THSD7B: variants seen among roughly 807,000 people sequenced by gnomAD.
THSD7B encodes thrombospondin type 1 domain containing 7B, also known as thrombospondin type-1 domain-containing protein 7B.
Under a neutral mutation model 213.6 loss-of-function variants are expected in THSD7B, and 138 were observed. The ratio of observed to expected loss-of-function variants is 0.65; its 90% CI spans 0.56 to 0.74. The LOEUF is 0.74. Among genes scored for constraint, THSD7B ranks in the 30% least tolerant of loss-of-function variants. THSD7B has a pLI of 0.00. For synonymous variants in THSD7B, 742 were observed against 687.0 expected (o/e 1.08, Z -1.25); for missense variants, 1,931 against 1,991.5 (o/e 0.97, Z 0.58).
At chr2:136,928,045 T>G (rs1016892165) in intron 2 of THSD7B, among the ~76,000 whole-genome samples, 3 of 152,174 alleles carry the variant, frequency 2.0e-5, no homozygotes, top group Non-Finnish European at 4.4e-5. Flanking sequence ...GTTGTGAAGT[T>G]TTTAATACAG....
At chr2:137,556,337 TG>T (rs547825951) in intron 15 of THSD7B, among the ~76,000 whole-genome samples, 2,681 of 152,244 alleles carry the variant, frequency 0.018, 96 homozygotes, top group African/African-American at 0.062. Flanking sequence ...GACTAACAGC[TG>T]ATCTCTCAGC....
At chr2:137,472,033 T>G (rs963412487) in intron 15 of THSD7B, among the ~76,000 whole-genome samples, 2 of 152,206 alleles carry the variant, frequency 1.3e-5, no homozygotes, top group African/African-American at 4.8e-5. Flanking sequence ...GGAAATTATT[T>G]TACCCATTTA....
chr2:136,797,185 A>C (rs1682085396), intron 1 of THSD7B, among the ~76,000 whole-genome samples: 1 of 151,936 alleles, frequency 6.6e-6, no homozygotes, highest in Admixed American at 6.6e-5. Flanking sequence ...TGCTGGAACA[A>C]GTTATTGAGA....
intron 2 of THSD7B, among the ~76,000 whole-genome samples, chr2:136,929,200 T>C (rs1052185587): frequency 2.7e-4 from 41 of 152,210 alleles, no homozygotes; most frequent in African/African-American, 9.2e-4. Flanking sequence ...TTCTTGTAGA[T>C]TAATACTCTG....
chr2:136,808,712 G>A (rs1251679945), intron 1 of THSD7B, among the ~76,000 whole-genome samples: 1 of 152,126 alleles, frequency 6.6e-6, no homozygotes, highest in Non-Finnish European at 1.5e-5. Context: ...TTCATCCTTA[G>A]GAATATCTAA....
chr2:137,598,798 C>A (rs983366690), intron 17 of THSD7B, among the ~76,000 whole-genome samples: 2 of 151,992 alleles, frequency 1.3e-5, no homozygotes, highest in South Asian at 2.1e-4. Flanking sequence ...GATTTGCAAC[C>A]CTTGAAAGAA....
At chr2:136,919,386 C>A (rs1684398187) in intron 2 of THSD7B, among the ~76,000 whole-genome samples, 1 of 152,242 alleles carries the variant, frequency 6.6e-6, no homozygotes, top group Non-Finnish European at 1.5e-5. Context: ...CCTCACCTTG[C>A]AGCAGTCTGC....
At chr2:137,179,700 A>G (rs1264864996) in intron 7 of THSD7B, among the ~76,000 whole-genome samples, 1 of 152,150 alleles carries the variant, frequency 6.6e-6, no homozygotes, top group East Asian at 1.9e-4. Flanking sequence ...TAACTGATTC[A>G]TGAGTCAGGA....
At chr2:137,397,581 T>C (rs1034640437) in intron 12 of THSD7B, among the ~76,000 whole-genome samples, 1 of 151,338 alleles carries the variant, frequency 6.6e-6, no homozygotes, top group African/African-American at 2.4e-5. Flanking sequence ...GACCTTTCTC[T>C]CTGGCTGCTC....
At chr2:137,349,334 A>AT (rs1376455693) in intron 12 of THSD7B, among the ~76,000 whole-genome samples, 6 of 151,934 alleles carry the variant, frequency 3.9e-5, no homozygotes, top group African/African-American at 1.2e-4. Context: ...GAAAAGGAAT[A>AT]TTATCAATTT....
chr2:137,189,866 A>G (rs1680623610), intron 7 of THSD7B, among the ~76,000 whole-genome samples: 1 of 151,952 alleles, frequency 6.6e-6, no homozygotes, highest in African/African-American at 2.4e-5. Flanking sequence ...CTTCCTTCTT[A>G]TATATGCTCC....
In THSD7B at chr2:136,967,672, C is replaced by T. The variant is rs192874113; in HGVS notation, c.139+85355C>T. On this transcript the variant is annotated intron_variant, in intron 2 of 27. Coordinates refer to ENST00000409968, the MANE Select transcript of THSD7B (RefSeq NM_001316349.2). ...GGTAAAATGAGCCCCAATCCAACAA[C>T]TCAGGTTTAGAAATACAATATTGCC... Among the ~76,000 whole-genome samples, 322 of 152,300 alleles carry T rather than the reference C, an allele frequency of 2.1e-3. 1 individual carries two copies. The highest frequency in any genetic ancestry group is 0.018 in the Admixed American group (281 of 15,300).
At chr2:137,118,995 A>G (rs551647619) in intron 5 of THSD7B, among the ~76,000 whole-genome samples, 20 of 152,120 alleles carry the variant, frequency 1.3e-4, no homozygotes, top group Non-Finnish European at 2.5e-4. Flanking sequence ...GTATGGGGCA[A>G]ACACCCCCAT....
intron 15 of THSD7B, among the ~76,000 whole-genome samples, chr2:137,465,577 G>A (rs1191529612): frequency 6.6e-6 from 1 of 152,098 alleles, no homozygotes; most frequent in Admixed American, 6.6e-5. Context: ...TCAGAGCGGT[G>A]ATGTGACACC....
intron 2 of THSD7B, among the ~76,000 whole-genome samples, chr2:137,029,032 A>G (rs929022347): frequency 4.2e-5 from 6 of 141,990 alleles, no homozygotes; most frequent in Non-Finnish European, 9.2e-5. Context: ...ATATTCACCT[A>G]TTTTGTTACT....
intron 4 of THSD7B, among the ~76,000 whole-genome samples, chr2:137,100,144 G>T (rs1033247595): frequency 6.6e-5 from 10 of 151,968 alleles, no homozygotes; most frequent in Admixed American, 5.9e-4. Context: ...ATTAGTTGAT[G>T]AATTTTTAGA....
At chr2:137,172,390 G>A (rs1271274780) in intron 7 of THSD7B, among the ~76,000 whole-genome samples, 1 of 152,150 alleles carries the variant, frequency 6.6e-6, no homozygotes, top group Non-Finnish European at 1.5e-5. Flanking sequence ...AAACAAGAGA[G>A]GGGCTGGAGA....
At chr2:137,560,064 G>A (rs532858227) in intron 15 of THSD7B, among the ~76,000 whole-genome samples, 1 of 138,906 alleles carries the variant, frequency 7.2e-6, no homozygotes, top group African/African-American at 3.1e-5. Context: ...GGAAACAACA[G>A]GTGCTGGAGA....
chr2:136,834,825 T>C (rs1350729591), intron 1 of THSD7B, among the ~76,000 whole-genome samples: 1 of 152,174 alleles, frequency 6.6e-6, no homozygotes, highest in African/African-American at 2.4e-5. Context: ...AAATACCAAA[T>C]AGATACTAAT....
Sources: gnomAD v4.1 joint callset for allele counts (sites outside exome capture counted in the v4.1 genomes callset) on GRCh38, gnomAD v4.1.1 for gene constraint, MANE v1.5 for transcripts, NCBI Gene and HGNC (gene_info 2026-07-23, HGNC 2026-07-21) for gene names.